Variants in ARMH4 observed in about 807,000 individuals in gnomAD.
The protein encoded by ARMH4 is armadillo-like helical domain-containing protein 4.
A neutral mutation model predicts 61.9 loss-of-function variants in ARMH4; 49 were observed. The ratio of observed to expected loss-of-function variants is 0.79; its 90% confidence interval spans 0.63 to 1.00. The LOEUF is 1.00. Ranked by LOEUF, ARMH4 falls within the 50% of genes least tolerant of loss-of-function variation. ARMH4 has a pLI of 0.00. For synonymous variants in ARMH4, 368 were observed against 341.5 expected (o/e 1.08, Z -0.85); for missense variants, 934 against 930.0 (o/e 1.00, Z -0.06).
At chr14:58,028,308 A>G (rs1012822221) in intron 5 of ARMH4, among the ~76,000 whole-genome samples, 1 of 152,194 alleles carries the variant, frequency 6.6e-6, no homozygotes, top group African/African-American at 2.4e-5. Flanking sequence ...CAGCAGTGTC[A>G]CTACAAATGA....
At chr14:58,142,656 G>C (rs570802837) in intron 1 of ARMH4, among the ~76,000 whole-genome samples, 6 of 152,000 alleles carry the variant, frequency 3.9e-5, no homozygotes, top group South Asian at 2.1e-4. Context: ...ATTTTTATTA[G>C]AGACGGGGTT....
At chr14:58,048,675 G>A (rs536191606) in intron 5 of ARMH4, among the ~76,000 whole-genome samples, 20 of 152,228 alleles carry the variant, frequency 1.3e-4, no homozygotes, top group African/African-American at 4.3e-4. Flanking sequence ...TTGAAAACAG[G>A]AAGGAAAAAA....
At chr14:58,078,887 A>C (rs1455336522) in intron 5 of ARMH4, among the ~76,000 whole-genome samples, 1 of 152,250 alleles carries the variant, frequency 6.6e-6, no homozygotes, top group East Asian at 1.9e-4. Context: ...TGGTTGAAAC[A>C]TAGGCATATG....
chr14:58,103,194 AG>A (rs1886061269), intron 4 of ARMH4, among the ~76,000 whole-genome samples: 1 of 151,980 alleles, frequency 6.6e-6, no homozygotes, highest in Non-Finnish European at 1.5e-5. Context: ...AGAGACAAAG[AG>A]AAAGTCATGT....
chr14:58,144,013 A>T (rs935711294), intron 1 of ARMH4, among the ~76,000 whole-genome samples: 3 of 151,964 alleles, frequency 2.0e-5, no homozygotes, highest in Admixed American at 6.6e-5. Context: ...ACCTCAAGCG[A>T]TCCACCCACC....
intron 4 of ARMH4, among the ~76,000 whole-genome samples, chr14:58,113,648 A>G (rs1316943847): frequency 6.6e-6 from 1 of 151,876 alleles, no homozygotes; most frequent in African/African-American, 2.4e-5. Flanking sequence ...GATAAGTGAG[A>G]AGTTTTCACT....
intron 5 of ARMH4, among the ~76,000 whole-genome samples, chr14:58,087,615 C>A (rs1441685081): frequency 6.6e-6 from 1 of 152,142 alleles, no homozygotes. Context: ...CATCTGGGTT[C>A]ATCTGGGTTC....
At chr14:58,124,475 G>T (rs550410840) in intron 4 of ARMH4, among the ~76,000 whole-genome samples, 6 of 152,246 alleles carry the variant, frequency 3.9e-5, no homozygotes, top group African/African-American at 1.4e-4. Flanking sequence ...ACAGGGAAGA[G>T]ATTTTATTGT....
At chr14:58,005,329 G>A (rs1011265101) in intron 6 of ARMH4, 147 bp from the exon 7 acceptor site, 1 of 1,011,498 alleles carries the variant, frequency 9.9e-7, no homozygotes, top group Non-Finnish European at 1.4e-6. Context: ...CTAAAATACA[G>A]TAACTTTTTA....
In ARMH4 at chr14:58,139,158, T is replaced by C. The variant is rs917547034; in HGVS notation, c.201A>G (p.Gln67=). Residue 67 remains glutamine (Q), a synonymous_variant, in exon 2 of 8, where the codon CAA becomes CAG. Coordinates refer to ENST00000267485, the MANE Select transcript of ARMH4 (RefSeq NM_001001872.4). The stretch of plus-strand genomic sequence containing the variant: ...TCATTGGATCTTCAGAGACCACCAG[T>C]TGGGGAGTCTGCTTTGAGGTAACAG... ...NSSVTSKQTP[Q]LVVSEDPMMM... 7 of 1,614,094 alleles carry C rather than the reference T, an allele frequency of 4.3e-6. No homozygotes were observed. The highest frequency in any genetic ancestry group is 1.3e-5 in the African/African-American group (1 of 74,942).
chr14:58,100,647 C>G (rs1186435799), intron 4 of ARMH4, among the ~76,000 whole-genome samples: 2 of 152,156 alleles, frequency 1.3e-5, no homozygotes, highest in African/African-American at 4.8e-5. Context: ...ACCATTAAAA[C>G]TACCTGAGGA....
At chr14:58,068,938 C>CG (rs377700726) in intron 5 of ARMH4, among the ~76,000 whole-genome samples, 38 of 148,662 alleles carry the variant, frequency 2.6e-4, no homozygotes, top group African/African-American at 9.2e-4. Flanking sequence ...ACCCAGGAGA[C>CG]GGAGGTTGCA....
At chr14:58,065,044 C>T (rs1441598968) in intron 5 of ARMH4, among the ~76,000 whole-genome samples, 1 of 152,106 alleles carries the variant, frequency 6.6e-6, no homozygotes, top group African/African-American at 2.4e-5. Flanking sequence ...GAGATTGAGA[C>T]CATCCTGGCC....
chr14:58,088,180 C>T (rs1033222093), intron 5 of ARMH4, among the ~76,000 whole-genome samples: 15 of 152,142 alleles, frequency 9.9e-5, no homozygotes, highest in African/African-American at 2.4e-4. Context: ...TCAGGCAATA[C>T]GTGCATTTAA....
rs1323914138 is a variant in ARMH4, at chr14:58,138,124, A to G, written c.1235T>C (p.Val412Ala). The G allele has an allele frequency of 1.9e-6, 3 of 1,614,252 alleles. No individual in the cohort carries two copies. The highest frequency in any genetic ancestry group is 2.5e-6 in the Non-Finnish European group (3 of 1,180,048). ...SLMEDMKVSIVNLLQSTGDFT... is the reference protein window; with the variant it reads ...SLMEDMKVSIANLLQSTGDFT... Reference sequence around the variant, plus strand: ...GTCTCCCGTACTTTGGAGCAAGTTCACAATGGAAACTTTCATGTCTTCCAT... The same window carrying G: ...GTCTCCCGTACTTTGGAGCAAGTTCGCAATGGAAACTTTCATGTCTTCCAT... Residue 412 changes from valine to alanine, a missense_variant, in exon 2 of 8, where the codon GTG becomes GCG. Transcript: ENST00000267485.
At chr14:58,033,021 C>T (rs1325133717) in intron 5 of ARMH4, among the ~76,000 whole-genome samples, 19 of 108,400 alleles carry the variant, frequency 1.8e-4, no homozygotes, top group African/African-American at 3.2e-4. Flanking sequence ...ACAAAGCAGC[C>T]GGGAACCTCG....
chr14:58,047,636 C>G (rs981386577), intron 5 of ARMH4, among the ~76,000 whole-genome samples: 9 of 152,176 alleles, frequency 5.9e-5, no homozygotes, highest in African/African-American at 1.9e-4. Flanking sequence ...AGCCTGTGCT[C>G]TCCTCCTAGC....
intron 5 of ARMH4, among the ~76,000 whole-genome samples, chr14:58,018,687 G>C (rs1389302670): frequency 6.6e-6 from 1 of 152,184 alleles, no homozygotes; most frequent in Non-Finnish European, 1.5e-5. Flanking sequence ...ATGTCAGTTG[G>C]TACAGCCATT....
chr14:58,059,369 T>C (rs1457051628), intron 5 of ARMH4, among the ~76,000 whole-genome samples: 3 of 152,222 alleles, frequency 2.0e-5, no homozygotes, highest in African/African-American at 7.2e-5. Context: ...CCAAACACTC[T>C]GTGCAACCCC....
Sources: allele counts gnomAD v4.1 joint callset (sites outside exome capture counted in the v4.1 genomes callset), GRCh38; gene constraint gnomAD v4.1.1; transcripts MANE v1.5; gene names NCBI Gene and HGNC (gene_info 2026-07-23, HGNC 2026-07-21).